The following KLHL2 variants were observed in gnomAD, a reference collection of about 807,000 sequenced individuals.
The protein encoded by KLHL2 is kelch-like protein 2.
A neutral mutation model predicts 75.8 loss-of-function variants in KLHL2; 15 were observed. That is an observed-to-expected ratio of 0.20 (90% confidence interval 0.13 to 0.30). KLHL2 has a LOEUF of 0.30. Among genes scored for constraint, KLHL2 ranks in the 10% least tolerant of loss-of-function variants. The pLI is 1.00. For synonymous variants in KLHL2, 214 were observed against 251.9 expected, an observed-to-expected ratio of 0.85 and a Z score of 1.42; for missense variants, 381 against 741.0, an observed-to-expected ratio of 0.51 and a Z score of 5.64.
At chr4:165,321,374 T>C in intron 14 of KLHL2, 1 of 447,544 alleles carries the variant, frequency 2.2e-6, no homozygotes, top group Non-Finnish European at 4.5e-6. Flanking sequence ...CCTTAATGAA[T>C]AGTAAATATA....
chr4:165,240,411 G>A (rs1338330410), intron 4 of KLHL2: 5 of 152,188 alleles, frequency 3.3e-5, no homozygotes, highest in African/African-American at 1.2e-4. Context: ...AGGCCTCCTG[G>A]TGATCTTTCC....
chr4:165,313,763 C>T (rs888469282), intron 12 of KLHL2, among the ~76,000 whole-genome samples: 1 of 152,166 alleles, frequency 6.6e-6, no homozygotes, highest in East Asian at 1.9e-4. Context: ...GACTTTTTCC[C>T]TCCCTGTGTT....
chr4:165,297,046 T>C (rs537665070), intron 6 of KLHL2, among the ~76,000 whole-genome samples: 2 of 152,286 alleles, frequency 1.3e-5, no homozygotes, highest in Admixed American at 6.5e-5. Context: ...AGTTATCCAA[T>C]TGCATATTGT....
rs192681750 is a variant in KLHL2, at chr4:165,239,186, C to T, written c.381+287C>T. ...CATTTATAACTGTTGATTGATGCTG[C>T]CCACAATTTTTCTTTATTCCTTGGA... On this transcript the variant is annotated intron_variant, in intron 4 of 14. Coordinates refer to ENST00000226725, the MANE Select transcript of KLHL2 (RefSeq NM_007246.4). Among the ~76,000 whole-genome samples the T allele has an allele frequency of 1.4e-3, 216 of 151,902 alleles. 1 individual carries two copies. Among genetic ancestry groups the T allele is most frequent in the African/African-American group, 4.6e-3 (191 of 41,426 alleles).
rs1737845903 is a variant in KLHL2, at chr4:165,219,864, C to T, written c.27-70C>T. The T allele has an allele frequency of 1.5e-5, 21 of 1,443,456 alleles. No homozygotes were observed. The South Asian group carries it at 2.3e-4, about 16-fold the overall frequency. 89.4% of individuals were successfully genotyped at this position (1,443,456 alleles called of 1,614,324 possible). Reference sequence around the variant, plus strand: ...GAGACATTCATTGTCTCTCTTGTAGCTTGATAAGCTGAACTAAATGATCTT... The same window carrying T: ...GAGACATTCATTGTCTCTCTTGTAGTTTGATAAGCTGAACTAAATGATCTT... On this transcript the variant is annotated intron_variant, in intron 1 of 14. Transcript: ENST00000226725.
intron 12 of KLHL2, 30 bp from the exon 13 acceptor site, chr4:165,313,995 GC>G: frequency 2.5e-6 from 4 of 1,585,170 alleles, no homozygotes; most frequent in Non-Finnish European, 3.4e-6. Context: ...TGTTCTTTTT[GC>G]CCCTCTATTT....
chr4:165,234,998 C>CA (rs898332234), intron 3 of KLHL2, among the ~76,000 whole-genome samples: 8 of 149,180 alleles, frequency 5.4e-5, no homozygotes, highest in Non-Finnish European at 8.9e-5. Context: ...GACTCTGTCT[C>CA]AAAAAAAAAG....
intron 9 of KLHL2, among the ~76,000 whole-genome samples, chr4:165,307,515 A>G (rs1019299519): frequency 6.6e-6 from 1 of 152,160 alleles, no homozygotes; most frequent in Admixed American, 6.5e-5. Flanking sequence ...CCATTTTTCC[A>G]TTGATTCTCT....
chr4:165,321,581 A>T (rs1288761669), intron 14 of KLHL2, among the ~76,000 whole-genome samples: 3 of 152,202 alleles, frequency 2.0e-5, no homozygotes, highest in African/African-American at 7.2e-5. Flanking sequence ...GTAAAAAATT[A>T]TACATGGGTT....
intron 5 of KLHL2, among the ~76,000 whole-genome samples, chr4:165,275,975 A>T (rs1388537659): frequency 2.6e-5 from 4 of 151,862 alleles, no homozygotes; most frequent in Admixed American, 2.0e-4. Flanking sequence ...ACCAAAAAAA[A>T]AAAAGAGCCA....
At chr4:165,267,756 T>C (rs1207803219) in intron 5 of KLHL2, among the ~76,000 whole-genome samples, 1 of 152,224 alleles carries the variant, frequency 6.6e-6, no homozygotes, top group Non-Finnish European at 1.5e-5. Flanking sequence ...TCATCAGGGA[T>C]ATTGGCCTAA....
chr4:165,303,336 G>A (rs1378191626), intron 8 of KLHL2, among the ~76,000 whole-genome samples: 1 of 151,972 alleles, frequency 6.6e-6, no homozygotes, highest in African/African-American at 2.4e-5. Context: ...TTTAAAAAAT[G>A]TTCCCTTCTG....
chr4:165,297,350 A>G (rs1744992721), intron 6 of KLHL2, among the ~76,000 whole-genome samples: 1 of 152,198 alleles, frequency 6.6e-6, no homozygotes, highest in Non-Finnish European at 1.5e-5. Flanking sequence ...TGAATTGTTT[A>G]TAAGGATACA....
chr4:165,272,871 A>G (rs1399744901), intron 5 of KLHL2, among the ~76,000 whole-genome samples: 1 of 152,180 alleles, frequency 6.6e-6, no homozygotes, highest in African/African-American at 2.4e-5. Flanking sequence ...TATGCCAAGA[A>G]TTTTTCATGA....
At chr4:165,217,365 G>T (rs34962116) in intron 1 of KLHL2, among the ~76,000 whole-genome samples, 1 of 152,004 alleles carries the variant, frequency 6.6e-6, no homozygotes, top group Non-Finnish European at 1.5e-5. Flanking sequence ...TGTTTCTCCA[G>T]TTCTCTCCCT....
At chr4:165,292,763 T>C (rs1002625528) in intron 5 of KLHL2, among the ~76,000 whole-genome samples, 3 of 151,932 alleles carry the variant, frequency 2.0e-5, no homozygotes, top group African/African-American at 7.3e-5. Flanking sequence ...AAATGAATCT[T>C]TTATTTCACC....
chr4:165,282,677 A>T (rs1235131034), intron 5 of KLHL2, among the ~76,000 whole-genome samples: 1 of 148,136 alleles, frequency 6.8e-6, no homozygotes, highest in Non-Finnish European at 1.5e-5. Context: ...GGGAAAATAT[A>T]ATGCTCTCTG....
intron 13 of KLHL2, among the ~76,000 whole-genome samples, chr4:165,317,300 C>T (rs1471870500): frequency 6.6e-6 from 1 of 150,492 alleles, no homozygotes; most frequent in Non-Finnish European, 1.5e-5. Flanking sequence ...AAAGTAACTA[C>T]TGCATAAATG....
At chr4:165,231,702 A>G (rs1432498557) in intron 3 of KLHL2, among the ~76,000 whole-genome samples, 5 of 152,186 alleles carry the variant, frequency 3.3e-5, no homozygotes, top group Admixed American at 6.5e-5. Flanking sequence ...GCTATTATGA[A>G]TAATACTGCT....
Sources: allele counts gnomAD v4.1 joint callset (sites outside exome capture counted in the v4.1 genomes callset), GRCh38; gene constraint gnomAD v4.1.1; transcripts MANE v1.5; gene names NCBI Gene and HGNC (gene_info 2026-07-23, HGNC 2026-07-21).